Variants in TBC1D4 observed in about 807,000 individuals in gnomAD.
The protein encoded by TBC1D4 is TBC (Tre-2, BUB2, CDC16) domain-containing protein.
In TBC1D4, 121 loss-of-function variants were observed where a neutral mutation model predicts 142.5. The observed-to-expected ratio is 0.85, with a 90% CI of 0.73 to 0.99. TBC1D4 has a LOEUF of 0.99. TBC1D4 is among the 50% of genes least tolerant of loss of function. The pLI is 0.00. For missense variants in TBC1D4, 1,475 were observed against 1,606.6 expected (o/e 0.92, Z 1.40); for synonymous variants, 630 against 628.2 (o/e 1.00, Z -0.04).
intron 20 of TBC1D4, 132 bp from the exon 21 acceptor site, chr13:75,287,157 A>T: frequency 1.3e-6 from 1 of 773,326 alleles, no homozygotes; most frequent in Non-Finnish European, 2.1e-6. Flanking sequence ...GAAAACCTAC[A>T]GGAAACGATG....
chr13:75,337,630 G>A (rs898346134), intron 7 of TBC1D4, among the ~76,000 whole-genome samples: 6 of 152,108 alleles, frequency 3.9e-5, no homozygotes, highest in African/African-American at 1.4e-4. Flanking sequence ...TATATCACAT[G>A]GTCCTTAGTA....
At chr13:75,340,745 G>A (rs368972879) in intron 7 of TBC1D4, among the ~76,000 whole-genome samples, 3 of 152,046 alleles carry the variant, frequency 2.0e-5, no homozygotes, top group South Asian at 4.1e-4. Context: ...TTGGGAGTTC[G>A]TGACCAGCCT....
intron 7 of TBC1D4, among the ~76,000 whole-genome samples, chr13:75,339,405 T>C (rs1593754036): frequency 6.6e-6 from 1 of 152,042 alleles, no homozygotes; most frequent in Non-Finnish European, 1.5e-5. Flanking sequence ...TTACTTGAAA[T>C]CCTTCCATGA....
chr13:75,330,946 G>A (rs1311004211), intron 8 of TBC1D4, among the ~76,000 whole-genome samples: 1 of 152,176 alleles, frequency 6.6e-6, no homozygotes. Context: ...TCTCAGACAG[G>A]TTATTTGGTC....
intron 12 of TBC1D4, among the ~76,000 whole-genome samples, chr13:75,316,186 T>C (rs1055464823): frequency 6.6e-6 from 1 of 152,196 alleles, no homozygotes; most frequent in African/African-American, 2.4e-5. Context: ...ACATATCAAG[T>C]GTTTAGAACG....
chr13:75,326,337 G>A lies in TBC1D4; in HGVS notation c.1893C>T (p.Ser631=), dbSNP rs188607347. ...CCCGTCTTCGAAACTGCGGGGAGTC[G>A]GAATCCTCTTCGGGAAACGTTTGCC... is the stretch of plus-strand genomic sequence containing the variant. ...SAWQTFPEED[S]DSPQFRRRAH... is the part of the protein sequence containing the mutation. Residue 631 remains serine (S), a synonymous_variant, in exon 10 of 21, where the codon TCC becomes TCT. Transcript: ENST00000377636. 1.9e-5 allele frequency: 30 copies of A among 1,614,090 alleles called. No homozygotes were observed. Among genetic ancestry groups the A allele is most frequent in the South Asian group, 9.9e-5 (9 of 91,066 alleles).
chr13:75,310,267 T>C, intron 13 of TBC1D4, 116 bp from the exon 14 acceptor site: 1 of 1,058,298 alleles, frequency 9.4e-7, no homozygotes. Flanking sequence ...ACAAAGCCGC[T>C]TTCCCTGTAA....
chr13:75,365,572 T>C (rs2328940), intron 1 of TBC1D4, among the ~76,000 whole-genome samples: 50,771 of 152,100 alleles, frequency 0.33, 10,942 homozygotes, highest in African/African-American at 0.62. Flanking sequence ...CAAGTACTTG[T>C]ACATACATAC....
chr13:75,404,865 CACCCA>C, intron 1 of TBC1D4, among the ~76,000 whole-genome samples: 1 of 152,286 alleles, frequency 6.6e-6, no homozygotes, highest in Middle Eastern at 3.4e-3. Context: ...GTCCCCCCTC[CACCCA>C]TGCAGAGAAA....
chr13:75,325,998 C>T (rs967016308), intron 10 of TBC1D4, among the ~76,000 whole-genome samples, 199 bp downstream of exon 10: 5 of 152,132 alleles, frequency 3.3e-5, no homozygotes, highest in African/African-American at 4.8e-5. Context: ...TCCACCCAAA[C>T]GAATTAACTC....
chr13:75,324,405 A>G lies in TBC1D4; in HGVS notation c.2034-4T>C. 1 of 1,613,894 alleles carries G rather than the reference A, an allele frequency of 6.2e-7. No homozygotes were observed. Among genetic ancestry groups the G allele is most frequent in the Non-Finnish European group, 8.5e-7 (1 of 1,179,802 alleles). On this transcript the variant is annotated splice_region_variant and splice_polypyrimidine_tract_variant and intron_variant, in intron 10 of 20. Coordinates refer to ENST00000377636, the MANE Select transcript of TBC1D4 (RefSeq NM_014832.5). ...GCGTCGAACTGACGAAAGATTGCTG[A>G]GTACAGAAAATACAGCAAATATGTC...
rs1874580842 is a variant in TBC1D4, at chr13:75,285,475, A to T, written c.*1317T>A. 4 of 152,456 alleles carry T rather than the reference A, an allele frequency of 2.6e-5. No individual in the cohort carries two copies. The highest frequency in any genetic ancestry group is 6.5e-5 in the Admixed American group (1 of 15,288). The allele number at this position is 152,456 out of a possible 1,614,324, so 9.4% of individuals were successfully genotyped here. A position where few individuals can be genotyped will look rare whatever the true frequency, so the allele number is the denominator to read the frequency against. Reference sequence around the variant, plus strand: ...TATCATAGAATCATCTCTGAAAAAGAGAACTGCAAATGTACTTTGAAAATT... The same window carrying T: ...TATCATAGAATCATCTCTGAAAAAGTGAACTGCAAATGTACTTTGAAAATT... On this transcript the variant is annotated 3_prime_UTR_variant, in exon 21 of 21. Coordinates refer to ENST00000377636, the MANE Select transcript of TBC1D4 (RefSeq NM_014832.5).
intron 1 of TBC1D4, among the ~76,000 whole-genome samples, chr13:75,391,071 C>CACAA (rs1163412149): frequency 9.8e-6 from 1 of 101,978 alleles, no homozygotes; most frequent in African/African-American, 3.3e-5. Context: ...CACACACACA[C>CACAA]ACAAACAACT....
chr13:75,307,237 C>G (rs1454503985), intron 14 of TBC1D4, among the ~76,000 whole-genome samples: 1 of 152,204 alleles, frequency 6.6e-6, no homozygotes, highest in Non-Finnish European at 1.5e-5. Flanking sequence ...GCTGGGATAA[C>G]AGGTGTGAGC....
chr13:75,307,756 T>C (rs1319074888), intron 14 of TBC1D4, among the ~76,000 whole-genome samples: 1 of 152,162 alleles, frequency 6.6e-6, no homozygotes, highest in African/African-American at 2.4e-5. Flanking sequence ...CCAAACATAA[T>C]CTAAAGATAA....
chr13:75,390,170 C>G (rs978020265), intron 1 of TBC1D4, among the ~76,000 whole-genome samples: 6 of 149,566 alleles, frequency 4.0e-5, no homozygotes, highest in African/African-American at 1.2e-4. Context: ...ATCCCAGCTA[C>G]TAGGGAGGCT....
At chr13:75,449,588 T>G (rs1405417200) in intron 1 of TBC1D4, among the ~76,000 whole-genome samples, 1 of 134,588 alleles carries the variant, frequency 7.4e-6, no homozygotes, top group Non-Finnish European at 1.6e-5. Flanking sequence ...ACATACATAG[T>G]TTTTTTTTTT....
Position 75,481,708 on chromosome 13 carries a change from C to T in TBC1D4, c.60G>A (p.Pro20=), listed in dbSNP as rs1293142289. The T allele has an allele frequency of 3.1e-6, 5 of 1,596,036 alleles. No homozygotes were observed. Among genetic ancestry groups the T allele is most frequent in the Non-Finnish European group, 4.3e-6 (5 of 1,173,512 alleles). ...EPFPHPLEPE[P]GVSAQPGPGK... Reference sequence around the variant, plus strand: ...CGGGGCCGGGCTGAGCTGAGACGCCCGGCTCGGGCTCCAGGGGGTGCGGGA... The same window carrying T: ...CGGGGCCGGGCTGAGCTGAGACGCCTGGCTCGGGCTCCAGGGGGTGCGGGA... Residue 20 remains proline, a synonymous_variant, in exon 1 of 21, where the codon CCG becomes CCA. Transcript: ENST00000377636.
intron 4 of TBC1D4, among the ~76,000 whole-genome samples, chr13:75,351,430 T>G (rs945054717): frequency 6.6e-6 from 1 of 152,050 alleles, no homozygotes; most frequent in African/African-American, 2.4e-5. Context: ...ATTTTATTAT[T>G]ATTATACTTT....
Sources: gnomAD v4.1 joint callset for allele counts (sites outside exome capture counted in the v4.1 genomes callset) on GRCh38, gnomAD v4.1.1 for gene constraint, MANE v1.5 for transcripts, NCBI Gene and HGNC (gene_info 2026-07-23, HGNC 2026-07-21) for gene names.